Variants in FAR2 observed in about 807,000 individuals in gnomAD.
FAR2 encodes epididymis secretory protein Li 81.
FAR2 carries 19 observed loss-of-function variants against 56.0 expected under a neutral mutation model. The ratio of observed to expected loss-of-function variants is 0.34; its 90% CI spans 0.24 to 0.50. The LOEUF (loss-of-function observed/expected upper bound fraction) is 0.50. FAR2 is among the 20% of genes least tolerant of loss of function. The pLI is 0.98. For missense variants in FAR2, 508 were observed against 642.2 expected, an observed-to-expected ratio of 0.79 and a Z score of 2.26; for synonymous variants, 219 against 218.8, an observed-to-expected ratio of 1.00 and a Z score of -0.01.
chr12:29,268,217 G>C (rs907845919), intron 1 of FAR2, among the ~76,000 whole-genome samples: 1 of 152,102 alleles, frequency 6.6e-6, no homozygotes, highest in Non-Finnish European at 1.5e-5. Flanking sequence ...CTGATGTCAG[G>C]GCCAGTCCCT....
At chr12:29,318,002 A>G (rs1241340276) in intron 9 of FAR2, among the ~76,000 whole-genome samples, 1 of 152,206 alleles carries the variant, frequency 6.6e-6, no homozygotes, top group Non-Finnish European at 1.5e-5. Context: ...TAGCTGTGTG[A>G]CACAGGACAT....
chr12:29,246,592 A>G (rs7974254), intron 1 of FAR2, among the ~76,000 whole-genome samples: 78,128 of 151,872 alleles, frequency 0.51, 20,321 homozygotes, highest in East Asian at 0.64. Context: ...AAATTGCATC[A>G]GCATATAAAT....
At chr12:29,157,140 A>ATATATATATATC (rs1949736202) in intron 1 of FAR2, 1 of 139,460 alleles carries the variant, frequency 7.2e-6, no homozygotes, top group East Asian at 2.1e-4. Context: ...ATATATATAT[A>ATATATATATATC]TATATGTATC....
At chr12:29,245,543 C>T (rs532152940) in intron 1 of FAR2, among the ~76,000 whole-genome samples, 4 of 152,092 alleles carry the variant, frequency 2.6e-5, no homozygotes, top group South Asian at 2.1e-4. Flanking sequence ...TTCTGATTTG[C>T]GTTAAAGTAT....
rs1949673170 is a variant in FAR2 at position 29,327,869 on chromosome 12, A to G, written c.1258-4731A>G. Among the ~76,000 whole-genome samples, 4 of 152,114 alleles carry G rather than the reference A, an allele frequency of 2.6e-5. No homozygotes were observed. In the South Asian group the frequency reaches 8.3e-4, roughly 31 times the overall value. On this transcript the variant is annotated intron_variant, in intron 10 of 11. Coordinates refer to ENST00000536681, the MANE Select transcript of FAR2 (RefSeq NM_001271783.2). Reference sequence around the variant, plus strand: ...GGAAGGACTTCATGTCTAAAACACCAAAAGCAATGGCAACAAAAGCCAAAA... The same window carrying G: ...GGAAGGACTTCATGTCTAAAACACCGAAAGCAATGGCAACAAAAGCCAAAA...
chr12:29,311,206 C>T, intron 7 of FAR2, 60 bp downstream of exon 7: 1 of 1,177,826 alleles, frequency 8.5e-7, no homozygotes, highest in Non-Finnish European at 1.3e-6. Flanking sequence ...ATATATTAGG[C>T]CCATTTTCCA....
At chr12:29,182,633 GACAATGAGTTT>G in intron 1 of FAR2, among the ~76,000 whole-genome samples, 1 of 151,910 alleles carries the variant, frequency 6.6e-6, no homozygotes, top group South Asian at 2.1e-4. Flanking sequence ...ACTATCATAA[GACAATGAGTTT>G]CTGGTTAAAA....
chr12:29,197,754 C>T (rs898526439), intron 1 of FAR2, among the ~76,000 whole-genome samples: 2 of 152,232 alleles, frequency 1.3e-5, no homozygotes, highest in South Asian at 2.1e-4. Context: ...TGATGTGGAG[C>T]ATTGACTTCT....
At chr12:29,222,038 C>T (rs1450337789) in intron 1 of FAR2, among the ~76,000 whole-genome samples, 4 of 152,002 alleles carry the variant, frequency 2.6e-5, no homozygotes, top group Non-Finnish European at 5.9e-5. Context: ...TTAGTAGAGA[C>T]GGGTTTCACC....
intron 1 of FAR2, among the ~76,000 whole-genome samples, chr12:29,187,333 T>G (rs1950053877): frequency 6.6e-6 from 1 of 152,098 alleles, no homozygotes; most frequent in African/African-American, 2.4e-5. Context: ...ACGTTTTGCT[T>G]GGAGTATTAT....
chr12:29,315,343 G>A (rs1314669234), intron 8 of FAR2, among the ~76,000 whole-genome samples: 2 of 152,196 alleles, frequency 1.3e-5, no homozygotes, highest in African/African-American at 4.8e-5. Context: ...GATGGTAGGA[G>A]ATAAAGTCAG....
At chr12:29,227,558 T>A (rs1947788915) in intron 1 of FAR2, among the ~76,000 whole-genome samples, 1 of 152,212 alleles carries the variant, frequency 6.6e-6, no homozygotes, top group Non-Finnish European at 1.5e-5. Context: ...TTACAGTACT[T>A]GCCCCAAGGT....
At chr12:29,176,674 A>T in intron 1 of FAR2, among the ~76,000 whole-genome samples, 1 of 152,260 alleles carries the variant, frequency 6.6e-6, no homozygotes. Flanking sequence ...TGAGGAAATG[A>T]TGCTATAAAT....
intron 1 of FAR2, among the ~76,000 whole-genome samples, chr12:29,248,958 T>A (rs1448763726): frequency 6.6e-6 from 1 of 152,240 alleles, no homozygotes; most frequent in Non-Finnish European, 1.5e-5. Context: ...GAACAATTTC[T>A]GTTATCCTGT....
intron 1 of FAR2, among the ~76,000 whole-genome samples, chr12:29,218,523 A>G (rs1458892881): frequency 7.1e-6 from 1 of 141,262 alleles, no homozygotes; most frequent in African/African-American, 2.5e-5. Context: ...GGACAATCTC[A>G]AACAGTCAAA....
intron 1 of FAR2, among the ~76,000 whole-genome samples, chr12:29,213,969 T>C (rs1038295539): frequency 6.6e-6 from 1 of 152,152 alleles, no homozygotes; most frequent in African/African-American, 2.4e-5. Context: ...GGATTAATAA[T>C]AAATATAATC....
intron 1 of FAR2, among the ~76,000 whole-genome samples, chr12:29,206,432 C>T (rs1178794194): frequency 2.6e-5 from 4 of 152,172 alleles, no homozygotes; most frequent in Non-Finnish European, 5.9e-5. Flanking sequence ...GGCACAAGGC[C>T]TCAGACCCTG....
At chr12:29,158,257 T>G (rs1949749869) in intron 1 of FAR2, among the ~76,000 whole-genome samples, 1 of 152,238 alleles carries the variant, frequency 6.6e-6, no homozygotes, top group Non-Finnish European at 1.5e-5. Context: ...TTATTTCACT[T>G]GTGTTTTGTT....
At chr12:29,248,093 T>C (rs1466399685) in intron 1 of FAR2, among the ~76,000 whole-genome samples, 1 of 152,216 alleles carries the variant, frequency 6.6e-6, no homozygotes, top group East Asian at 1.9e-4. Flanking sequence ...AGAAATTTCT[T>C]TGAATCACAA....
Sources: allele counts gnomAD v4.1 joint callset (sites outside exome capture counted in the v4.1 genomes callset), GRCh38; gene constraint gnomAD v4.1.1; transcripts MANE v1.5; gene names NCBI Gene and HGNC (gene_info 2026-07-23, HGNC 2026-07-21).